The following CELF2 variants were observed in gnomAD, a reference collection of about 807,000 sequenced individuals.
The protein encoded by CELF2 is CUG triplet repeat RNA-binding protein 2.
Under a neutral mutation model 62.6 loss-of-function variants are expected in CELF2, and 8 were observed. The observed-to-expected ratio is 0.13, with a 90% confidence interval of 0.07 to 0.23. The LOEUF is 0.23. Among genes scored for constraint, CELF2 ranks in the 10% least tolerant of loss-of-function variants. The pLI is 1.00. For missense variants in CELF2, 333 were observed against 671.0 expected, an observed-to-expected ratio of 0.50 and a Z score of 5.56; for synonymous variants, 258 against 250.0, an observed-to-expected ratio of 1.03 and a Z score of -0.30.
At chr10:10,911,086 T>A (rs964212269) in intron 1 of CELF2, among the ~76,000 whole-genome samples, 1 of 152,186 alleles carries the variant, frequency 6.6e-6, no homozygotes, top group Non-Finnish European at 1.5e-5. Context: ...ACAGGCCTCC[T>A]CTTCTTGGGT....
chr10:11,111,493 C>A (rs1321663194), intron 1 of CELF2, among the ~76,000 whole-genome samples: 2 of 152,192 alleles, frequency 1.3e-5, no homozygotes, highest in Non-Finnish European at 2.9e-5. Flanking sequence ...TTCCTCCCAA[C>A]ATAGCCCACC....
At position 11,262,940 on chromosome 10, in the gene CELF2, C is replaced by CTTTTTTTTTTTTTTTTTTTTTTTTTTTTT. The variant is rs553831640; in HGVS notation, c.539-3631_539-3630insTTTTTTTTTTTTTTTTTTTTTTTTTTTTT. On this transcript the variant is annotated intron_variant, in intron 5 of 12. Coordinates refer to ENST00000633077, the MANE Select transcript of CELF2 (RefSeq NM_001326342.2). ...GTTCATGCTTTTAAAAGTGGCTTTA[C>CTTTTTTTTTTTTTTTTTTTTTTTTTTTTT]TTTTTTTTTTTTTTTTTTTTTTTTT... is the stretch of plus-strand genomic sequence containing the variant. 7.6e-5 allele frequency among the ~76,000 whole-genome samples: 4 copies of CTTTTTTTTTTTTTTTTTTTTTTTTTTTTT among 52,766 alleles called. 1 individual carries two copies. The highest frequency in any genetic ancestry group is 2.8e-4 in the African/African-American group (4 of 14,466). The allele number at this position is 52,766 out of a possible 152,430, so 34.6% of individuals were successfully genotyped here. A position where few individuals can be genotyped will look rare whatever the true frequency, so the allele number is the denominator to read the frequency against.
chr10:10,514,854 TA>T, the CELF2 span, among the ~76,000 whole-genome samples: 1 of 152,156 alleles, frequency 6.6e-6, no homozygotes, highest in Non-Finnish European at 1.5e-5. Flanking sequence ...TGTTAATTCC[TA>T]AAACCTCTAT....
At position 11,297,433 on chromosome 10, in the gene CELF2, G is replaced by A. The variant is rs916918980; in HGVS notation, c.976+8881G>A. Reference sequence around the variant, plus strand: ...GGGACCAGGTGCAGAAAGCCTTGGGGTCTGTGCTTGTGGAACAGAGGGACC... The same window carrying A: ...GGGACCAGGTGCAGAAAGCCTTGGGATCTGTGCTTGTGGAACAGAGGGACC... On this transcript the variant is annotated intron_variant, in intron 9 of 12. Transcript: ENST00000633077. The surrounding 1 kb of genome is among the most constrained non-coding windows in gnomAD (Gnocchi z 4.4). Among the ~76,000 whole-genome samples the A allele has an allele frequency of 2.0e-5, 3 of 152,108 alleles. No homozygotes were observed. The highest frequency in any genetic ancestry group is 7.2e-5 in the African/African-American group (3 of 41,414).
At position 11,223,099 on chromosome 10, in the gene CELF2, T is replaced by C. The variant is rs2065378664; in HGVS notation, c.354+5592T>C. ...CAACGATCTCAGTTCCTTGGTGTAA[T>C]TATAATTCTTTGTTTATGGGTGCTT... is the stretch of plus-strand genomic sequence containing the variant. On this transcript the variant is annotated intron_variant, in intron 3 of 12. Coordinates refer to ENST00000633077, the MANE Select transcript of CELF2 (RefSeq NM_001326342.2). This position sits in a 1 kb window ranked among gnomAD's most constrained non-coding sequence, Gnocchi z 5.1. Among the ~76,000 whole-genome samples the C allele has an allele frequency of 6.6e-6, 1 of 152,212 alleles. No homozygotes were observed. Among genetic ancestry groups the C allele is most frequent in the Non-Finnish European group, 1.5e-5 (1 of 68,034 alleles).
intron 3 of CELF2, among the ~76,000 whole-genome samples, chr10:11,230,749 A>C (rs1185547614): frequency 1.3e-5 from 2 of 152,230 alleles, no homozygotes; most frequent in Non-Finnish European, 2.9e-5. Context: ...TCAGACTGTA[A>C]GGGGATGAAT....
At position 11,280,579 on chromosome 10, in the gene CELF2, G is replaced by A. The variant is rs976637031; in HGVS notation, c.841+5459G>A. Among the ~76,000 whole-genome samples the A allele has an allele frequency of 6.6e-6, 1 of 152,210 alleles. No individual in the cohort carries two copies. The highest frequency in any genetic ancestry group is 2.4e-5 in the African/African-American group (1 of 41,454). The stretch of plus-strand genomic sequence containing the variant: ...CAGGGAAGGGCCCAGGAACACTGGG[G>A]CCAAGACAGTCCCCACGCTCTTCTC... On this transcript the variant is annotated intron_variant, in intron 8 of 12. Transcript: ENST00000633077. The surrounding 1 kb of genome is among the most constrained non-coding windows in gnomAD (Gnocchi z 7.6).
chr10:10,787,508 T>C, the CELF2 span, among the ~76,000 whole-genome samples: 32 of 152,332 alleles, frequency 2.1e-4, no homozygotes, highest in Admixed American at 5.9e-4. Flanking sequence ...GCAAACTTTA[T>C]AAACAGGAGA....
intron 1 of CELF2, among the ~76,000 whole-genome samples, chr10:10,804,266 G>A (rs555452778): frequency 3.3e-4 from 51 of 152,316 alleles, no homozygotes; most frequent in African/African-American, 1.2e-3. Flanking sequence ...GTTAGCCTGA[G>A]AGCAGCCATA....
At chr10:10,598,409 A>G in the CELF2 span, among the ~76,000 whole-genome samples, 2 of 152,202 alleles carry the variant, frequency 1.3e-5, no homozygotes, top group South Asian at 2.1e-4. Context: ...TACAAGGGCC[A>G]TGATTTATGC....
At chr10:11,231,646 G>A (rs541620274) in intron 3 of CELF2, among the ~76,000 whole-genome samples, 37 of 145,442 alleles carry the variant, frequency 2.5e-4, no homozygotes, top group Non-Finnish European at 2.2e-4. Flanking sequence ...TAACTCTTCA[G>A]AAAAAAAAAA....
intron 1 of CELF2, among the ~76,000 whole-genome samples, chr10:10,897,032 A>C (rs2062606237): frequency 6.6e-6 from 1 of 152,152 alleles, no homozygotes; most frequent in African/African-American, 2.4e-5. Context: ...GTAATGGGTA[A>C]AGGCTGGAAG....
chr10:11,109,175 G>A (rs941279460), intron 1 of CELF2, among the ~76,000 whole-genome samples: 2 of 152,176 alleles, frequency 1.3e-5, no homozygotes, highest in African/African-American at 4.8e-5. Flanking sequence ...TTGCTCCTGT[G>A]GCAGTAAGTT....
At chr10:10,801,981 G>C (rs2054707496) in intron 1 of CELF2, among the ~76,000 whole-genome samples, 1 of 152,128 alleles carries the variant, frequency 6.6e-6, no homozygotes, top group African/African-American at 2.4e-5. Flanking sequence ...GTGTTTTAAT[G>C]ACTGTCTACC....
chr10:10,473,569 A>C, the CELF2 span, among the ~76,000 whole-genome samples: 1 of 152,030 alleles, frequency 6.6e-6, no homozygotes, highest in East Asian at 1.9e-4. Flanking sequence ...GGGATTTAAG[A>C]ATGTAAAATT....
the CELF2 span, among the ~76,000 whole-genome samples, chr10:10,559,783 G>A: frequency 5.3e-5 from 8 of 152,110 alleles, no homozygotes; most frequent in Admixed American, 1.3e-4. Context: ...TTCCCTTCAC[G>A]CACATGTGGA....
chr10:10,490,498 AT>A, the CELF2 span, among the ~76,000 whole-genome samples: 1 of 152,022 alleles, frequency 6.6e-6, no homozygotes, highest in Non-Finnish European at 1.5e-5. Flanking sequence ...GAAAAGGGGT[AT>A]TTTTAAAGAG....
At chr10:10,485,279 C>A in the CELF2 span, among the ~76,000 whole-genome samples, 1 of 152,166 alleles carries the variant, frequency 6.6e-6, no homozygotes, top group South Asian at 2.1e-4. Context: ...AAGGCGTGAT[C>A]GTCCAGAGGT....
chr10:10,978,156 C>T (rs75452804), intron 2 of CELF2, among the ~76,000 whole-genome samples: 1,749 of 150,968 alleles, frequency 0.012, 35 homozygotes, highest in African/African-American at 0.04. Context: ...CCTGAAATTA[C>T]GTGATTCAAA....
Sources: gnomAD v4.1 joint callset for allele counts (sites outside exome capture counted in the v4.1 genomes callset) on GRCh38, gnomAD v4.1.1 for gene constraint, Gnocchi (gnomAD v3.1) non-coding constraint, MANE v1.5 for transcripts, NCBI Gene and HGNC (gene_info 2026-07-23, HGNC 2026-07-21) for gene names.